TIAM1: variants seen among roughly 807,000 people sequenced by gnomAD.
TIAM1 encodes the protein TIAM Rac1 associated GEF 1.
Under a neutral mutation model 163.5 loss-of-function variants are expected in TIAM1, and 65 were observed. The observed-to-expected ratio is 0.40, with a 90% CI of 0.33 to 0.49. TIAM1 has a LOEUF of 0.49. TIAM1 is among the 20% of genes least tolerant of loss of function. The probability of loss-of-function intolerance (pLI) is 0.77; values close to 1 mark genes in which losing one functional copy is unlikely to be tolerated. For missense variants in TIAM1, 1,789 were observed against 2,044.7 expected (o/e 0.87, Z 2.41); for synonymous variants, 833 against 810.1 (o/e 1.03, Z -0.48).
Position 31,239,434 on chromosome 21 carries a change from C to G in TIAM1, c.1584+6054G>C, listed in dbSNP as rs2071054508. On this transcript the variant is annotated intron_variant, in intron 6 of 27. Coordinates refer to ENST00000541036, the MANE Select transcript of TIAM1 (RefSeq NM_001353694.2). Reference sequence around the variant, plus strand: ...CATGAGCCACCATGCCCAGCCAAAACAATTATTTATAACATATATACAAGA... The same window carrying G: ...CATGAGCCACCATGCCCAGCCAAAAGAATTATTTATAACATATATACAAGA... Among the ~76,000 whole-genome samples, 3 of 152,030 alleles carry G rather than the reference C, an allele frequency of 2.0e-5. No individual in the cohort carries two copies. In the South Asian group the frequency reaches 6.2e-4, roughly 32 times the overall value.
At chr21:31,367,136 A>AGGAG (rs10595907) in intron 2 of TIAM1, among the ~76,000 whole-genome samples, 10 of 142,280 alleles carry the variant, frequency 7.0e-5, no homozygotes, top group South Asian at 2.6e-4. Flanking sequence ...GAGAGAAGGA[A>AGGAG]GGAGGGAGGG....
intron 2 of TIAM1, among the ~76,000 whole-genome samples, chr21:31,385,592 G>A (rs1422575211): frequency 6.6e-6 from 1 of 151,504 alleles, no homozygotes; most frequent in Non-Finnish European, 1.5e-5. Context: ...ATAGGAGGGA[G>A]GAAAATCTTT....
At chr21:31,520,865 G>A (rs1602479972) in intron 1 of TIAM1, among the ~76,000 whole-genome samples, 1 of 152,188 alleles carries the variant, frequency 6.6e-6, no homozygotes, top group Non-Finnish European at 1.5e-5. Context: ...CCCACCACTG[G>A]ACCAATTAAA....
chr21:31,347,901 AACAG>A (rs1190174918), upstream of TIAM1, among the ~76,000 whole-genome samples: 1 of 152,230 alleles, frequency 6.6e-6, no homozygotes, highest in Non-Finnish European at 1.5e-5. Flanking sequence ...GAGCTGGCTA[AACAG>A]ACAGAAGAGG....
In TIAM1 at chr21:31,223,510, C is replaced by T. The variant is rs1254376536; in HGVS notation, c.1891G>A (p.Gly631Arg). ...FRCYLASLQG[G>R]ELPNPKRLLA... ...AGCCTTTTGGGGTTTGGCAGCTCCC[C>T]ACCCTGAAGGCTGGCTAAATAACAG... The change falls in exon 8 of 28, where the codon GGG becomes AGG. Residue 631 changes from glycine (G) to arginine (R), a missense_variant. Coordinates refer to ENST00000541036, the MANE Select transcript of TIAM1 (RefSeq NM_001353694.2). 6.2e-7 allele frequency: 1 copy of T among 1,613,826 alleles called. No homozygotes were observed. The highest frequency in any genetic ancestry group is 2.2e-5 in the East Asian group (1 of 44,878).
At chr21:31,453,614 AC>A (rs2147331791) in intron 2 of TIAM1, among the ~76,000 whole-genome samples, 1 of 151,924 alleles carries the variant, frequency 6.6e-6, no homozygotes, top group Non-Finnish European at 1.5e-5. Context: ...AATTGCTTGA[AC>A]CCAGGAGGCA....
chr21:31,480,769 G>C (rs1268557629), intron 1 of TIAM1, among the ~76,000 whole-genome samples: 1 of 152,100 alleles, frequency 6.6e-6, no homozygotes, highest in East Asian at 1.9e-4. Context: ...ATTTATTTTT[G>C]AGACAGAATA....
chr21:31,380,361 T>A (rs988577227), intron 2 of TIAM1, among the ~76,000 whole-genome samples: 1 of 152,174 alleles, frequency 6.6e-6, no homozygotes, highest in Non-Finnish European at 1.5e-5. Context: ...CTGTCCAACA[T>A]GGTGAAACCC....
chr21:31,334,289 C>CT (rs11323293), intron 2 of TIAM1, among the ~76,000 whole-genome samples: 21 of 144,906 alleles, frequency 1.4e-4, no homozygotes, highest in South Asian at 2.2e-4. Flanking sequence ...ACCTCCCCGC[C>CT]TTTTTTTTTT....
rs1271831777 is a variant in TIAM1, at chr21:31,147,730, T to A, written c.3367-727A>T. On this transcript the variant is annotated intron_variant, in intron 19 of 27. Coordinates refer to ENST00000541036, the MANE Select transcript of TIAM1 (RefSeq NM_001353694.2). ...TATTTTATATAATATATAAAATATA[T>A]AATATATAAAAATATATAATATATA... 1.0e-4 allele frequency among the ~76,000 whole-genome samples: 15 copies of A among 143,456 alleles called. No individual in the cohort carries two copies. The Admixed American group carries it at 1.1e-3, about 10-fold the overall frequency. The allele number at this position is 143,456 out of a possible 152,430, so 94.1% of individuals were successfully genotyped here.
At chr21:31,156,326 T>C (rs1389286130) in intron 16 of TIAM1, among the ~76,000 whole-genome samples, 1 of 152,190 alleles carries the variant, frequency 6.6e-6, no homozygotes, top group Non-Finnish European at 1.5e-5. Context: ...GTCAGTCACC[T>C]GTCAGTGGCA....
At chr21:31,403,891 A>C (rs1180118686) in intron 2 of TIAM1, among the ~76,000 whole-genome samples, 1 of 152,172 alleles carries the variant, frequency 6.6e-6, no homozygotes, top group Non-Finnish European at 1.5e-5. Context: ...GCTCAAATCC[A>C]GGGCAGATAG....
intron 2 of TIAM1, among the ~76,000 whole-genome samples, chr21:31,392,396 C>A (rs1293859875): frequency 6.6e-6 from 1 of 151,752 alleles, no homozygotes; most frequent in Non-Finnish European, 1.5e-5. Flanking sequence ...CGTGATGAAA[C>A]CCCGTCTCTA....
intron 1 of TIAM1, among the ~76,000 whole-genome samples, chr21:31,520,208 A>AT (rs2047533579): frequency 6.6e-6 from 1 of 151,948 alleles, no homozygotes. Flanking sequence ...GCGCATGCCT[A>AT]TAATCCAAGC....
At chr21:31,168,951 T>C (rs2084374544) in intron 15 of TIAM1, among the ~76,000 whole-genome samples, 1 of 152,082 alleles carries the variant, frequency 6.6e-6, no homozygotes, top group African/African-American at 2.4e-5. Flanking sequence ...GACACCGCAA[T>C]GATCAGATGT....
intron 3 of TIAM1, among the ~76,000 whole-genome samples, chr21:31,269,694 C>T (rs1170611781): frequency 5.9e-5 from 8 of 135,002 alleles, no homozygotes; most frequent in South Asian, 2.3e-4. Context: ...TTTTTTGAGA[C>T]GGAGTCTTGC....
intron 1 of TIAM1, among the ~76,000 whole-genome samples, chr21:31,485,250 C>A (rs1251104316): frequency 6.6e-6 from 1 of 152,166 alleles, no homozygotes; most frequent in Non-Finnish European, 1.5e-5. Context: ...TCACTCCATG[C>A]CTCGCACACA....
At chr21:31,512,452 C>T (rs956514498) in intron 1 of TIAM1, among the ~76,000 whole-genome samples, 1 of 152,016 alleles carries the variant, frequency 6.6e-6, no homozygotes, top group Non-Finnish European at 1.5e-5. Flanking sequence ...CAATGAATGG[C>T]CTGTGACCCA....
At chr21:31,462,740 TTTTTTTTTG>T (rs921492077) in intron 2 of TIAM1, among the ~76,000 whole-genome samples, 3 of 62,534 alleles carry the variant, frequency 4.8e-5, no homozygotes, top group East Asian at 8.2e-4. Context: ...TTTTTTGTTT[TTTTTTTTTG>T]TTTTTTTTTT....
Sources: gnomAD v4.1 joint callset for allele counts (sites outside exome capture counted in the v4.1 genomes callset) on GRCh38, gnomAD v4.1.1 for gene constraint, MANE v1.5 for transcripts, NCBI Gene and HGNC (gene_info 2026-07-23, HGNC 2026-07-21) for gene names.